Variants in PRSS23 observed in about 807,000 individuals in gnomAD.
PRSS23 encodes serine protease 23, also known as protease, serine 23.
PRSS23 carries 25 observed loss-of-function variants against 34.7 expected under a neutral mutation model. The observed-to-expected ratio is 0.72, with a 90% CI of 0.53 to 1.01. The LOEUF is 1.01. Ranked by LOEUF, PRSS23 falls within the 50% of genes least tolerant of loss-of-function variation. PRSS23 has a pLI of 0.00. For synonymous variants in PRSS23, 176 were observed against 186.6 expected (o/e 0.94, Z 0.46); for missense variants, 445 against 475.6 (o/e 0.94, Z 0.60).
At chr11:86,806,251 T>C (rs1948100009) in intron 1 of PRSS23, among the ~76,000 whole-genome samples, 1 of 152,230 alleles carries the variant, frequency 6.6e-6, no homozygotes. Context: ...ACTCACATGG[T>C]TGCATGTTGC....
At chr11:86,935,765 C>G (rs904763861) in intron 2 of PRSS23, 4 of 152,116 alleles carry the variant, frequency 2.6e-5, no homozygotes, top group African/African-American at 9.7e-5. Context: ...AGTTACGGAA[C>G]TGGGATTGGA....
At chr11:86,900,550 A>G (rs1948904637) in intron 2 of PRSS23, among the ~76,000 whole-genome samples, 1 of 152,136 alleles carries the variant, frequency 6.6e-6, no homozygotes. Flanking sequence ...CAGGTGCTAC[A>G]GGGCCCTGCA....
intron 2 of PRSS23, among the ~76,000 whole-genome samples, chr11:86,888,345 C>T (rs1034859484): frequency 6.6e-6 from 1 of 152,020 alleles, no homozygotes; most frequent in African/African-American, 2.4e-5. Context: ...GGGAGTACTC[C>T]ATAAGGAACA....
At chr11:86,951,469 C>T (rs1408173059) in exon 3 of PRSS23, 1 of 1,614,020 alleles carries the variant, frequency 6.2e-7, no homozygotes, top group Non-Finnish European at 8.5e-7. Flanking sequence ...GTCTTTCTAA[C>T]TTGTCTGTCT....
intron 1 of PRSS23, among the ~76,000 whole-genome samples, chr11:86,805,094 G>T (rs1208529233): frequency 6.6e-6 from 1 of 152,192 alleles, no homozygotes; most frequent in East Asian, 1.9e-4. Flanking sequence ...GGAGAGAATG[G>T]TGCGTTGAAG....
intron 2 of PRSS23, among the ~76,000 whole-genome samples, chr11:86,879,858 C>T (rs1948760415): frequency 7.0e-6 from 1 of 142,152 alleles, no homozygotes; most frequent in Admixed American, 7.0e-5. Context: ...GCCGCCCCGT[C>T]CGGGAGGTGA....
At chr11:86,882,996 ATCT>A (rs905965871) in intron 2 of PRSS23, among the ~76,000 whole-genome samples, 1 of 152,136 alleles carries the variant, frequency 6.6e-6, no homozygotes, top group Non-Finnish European at 1.5e-5. Context: ...CCACATCTGT[ATCT>A]TCTTTTAGGA....
chr11:86,798,697 T>C (rs1053162386), upstream of PRSS23, among the ~76,000 whole-genome samples: 11 of 152,234 alleles, frequency 7.2e-5, no homozygotes, highest in Admixed American at 1.3e-4. Flanking sequence ...TCTGGTTTTG[T>C]GTCTGTGTGT....
intron 2 of PRSS23, among the ~76,000 whole-genome samples, chr11:86,895,701 A>G (rs1948870427): frequency 6.6e-6 from 1 of 152,032 alleles, no homozygotes; most frequent in African/African-American, 2.4e-5. Flanking sequence ...GCTGCTCTCG[A>G]ACTCCTGGGC....
At chr11:86,835,109 T>G (rs779254427) in intron 2 of PRSS23, among the ~76,000 whole-genome samples, 3 of 152,254 alleles carry the variant, frequency 2.0e-5, no homozygotes, top group Admixed American at 6.5e-5. Flanking sequence ...GTTGCACAAG[T>G]GTGCAGTTGC....
intron 2 of PRSS23, among the ~76,000 whole-genome samples, chr11:86,862,157 G>A (rs183425103): frequency 1.1e-3 from 171 of 151,944 alleles, no homozygotes; most frequent in Non-Finnish European, 5.7e-4. Flanking sequence ...GTTATTCCTC[G>A]CAATATCTCA....
chr11:86,826,991 G>A (rs1288677554), intron 2 of PRSS23, among the ~76,000 whole-genome samples: 2 of 152,246 alleles, frequency 1.3e-5, no homozygotes, highest in South Asian at 2.1e-4. Context: ...TTGGTATCAG[G>A]ATGATGCTGG....
intron 2 of PRSS23, among the ~76,000 whole-genome samples, chr11:86,848,389 T>A (rs1948503542): frequency 6.6e-6 from 1 of 152,134 alleles, no homozygotes; most frequent in African/African-American, 2.4e-5. Flanking sequence ...GAACAGGCAG[T>A]CCCCACTGTA....
At chr11:86,935,468 G>A (rs918422446) in intron 2 of PRSS23, 7 of 152,130 alleles carry the variant, frequency 4.6e-5, no homozygotes, top group Non-Finnish European at 7.4e-5. Context: ...AAAAGTCTAC[G>A]TGTATGGCAT....
chr11:86,916,525 C>T (rs1949013789), intron 2 of PRSS23, among the ~76,000 whole-genome samples: 1 of 152,174 alleles, frequency 6.6e-6, no homozygotes, highest in Non-Finnish European at 1.5e-5. Context: ...GGGTGTGCCT[C>T]ATACTGACAG....
intron 2 of PRSS23, among the ~76,000 whole-genome samples, chr11:86,863,183 A>G (rs577054129): frequency 1.3e-5 from 2 of 152,252 alleles, no homozygotes; most frequent in African/African-American, 4.8e-5. Context: ...CTGTGATATA[A>G]TTCCTAATAT....
chr11:86,818,596 TA>T (rs1228068216), intron 1 of PRSS23, among the ~76,000 whole-genome samples: 1 of 152,130 alleles, frequency 6.6e-6, no homozygotes, highest in Non-Finnish European at 1.5e-5. Flanking sequence ...AAAATGTACT[TA>T]AAAAAAATCT....
At chr11:86,885,745 TTCTC>T (rs1047878530) in intron 2 of PRSS23, among the ~76,000 whole-genome samples, 1 of 152,210 alleles carries the variant, frequency 6.6e-6, no homozygotes, top group Non-Finnish European at 1.5e-5. Context: ...AAATCTCTCT[TTCTC>T]TCTCCCTCTC....
At chr11:86,916,053 TCAAAA>T (rs887565776) in intron 2 of PRSS23, among the ~76,000 whole-genome samples, 3 of 152,104 alleles carry the variant, frequency 2.0e-5, no homozygotes, top group South Asian at 2.1e-4. Flanking sequence ...GGACTCTGTC[TCAAAA>T]CAAAACAAAA....
Sources: gnomAD v4.1 joint callset for allele counts (sites outside exome capture counted in the v4.1 genomes callset) on GRCh38, gnomAD v4.1.1 for gene constraint, MANE v1.5 for transcripts, NCBI Gene and HGNC (gene_info 2026-07-23, HGNC 2026-07-21) for gene names.